Variants in SPTBN4 observed in about 807,000 individuals in gnomAD.
The protein encoded by SPTBN4 is spectrin beta chain, non-erythrocytic 4.
Under a neutral mutation model 277.8 loss-of-function variants are expected in SPTBN4, and 96 were observed. The ratio of observed to expected loss-of-function variants is 0.35; its 90% confidence interval spans 0.29 to 0.41. The LOEUF (loss-of-function observed/expected upper bound fraction) is 0.41, where lower values mean the gene tolerates loss of function less well. Ranked by LOEUF, SPTBN4 falls within the 10% of genes least tolerant of loss-of-function variation. SPTBN4 has a pLI of 1.00. For missense variants in SPTBN4, 3,006 were observed against 3,595.7 expected (o/e 0.84, Z 4.19); for synonymous variants, 1,481 against 1,580.3 (o/e 0.94, Z 1.49).
chr19:40,563,617 G>A (rs1202812870), intron 27 of SPTBN4, among the ~76,000 whole-genome samples: 3 of 150,146 alleles, frequency 2.0e-5, no homozygotes. Context: ...CGAACTTCTG[G>A]CCTCAGGTGA....
rs757087074 is a variant in SPTBN4, at chr19:40,575,454, C to T, written c.7580C>T (p.Ala2527Val). ...GWLEAVASSV[A>V]EHAEIARWGQ... ...CTGGAGGCTGTAGCTTCCTCGGTGGCGGAACACGCAGAGATCGCCCGCTGG... is the reference window on the plus strand; with the variant it reads ...CTGGAGGCTGTAGCTTCCTCGGTGGTGGAACACGCAGAGATCGCCCGCTGG... Residue 2527 changes from alanine to valine, a missense_variant, in exon 36 of 36, where the codon GCG becomes GTG. Around this residue, in one of 5 missense-constraint regions of SPTBN4, gnomAD observed 630 missense variants for 677.6 expected, o/e 0.93. Coordinates refer to ENST00000598249, the MANE Select transcript of SPTBN4 (RefSeq NM_020971.3). The T allele has an allele frequency of 3.3e-5, 54 of 1,613,012 alleles. No individual in the cohort carries two copies. Among genetic ancestry groups the T allele is most frequent in the African/African-American group, 5.3e-5 (4 of 74,904 alleles).
rs2079899176 is a variant in SPTBN4 at position 40,472,693 on chromosome 19, C to T, written c.72C>T (p.Arg24=). ...CTCCTAACAACAACCCTGCTGCCCG[C>T]TGGGAGAGTCCGGATCGGGGCTGGG... ...LPAPNNNPAA[R]WESPDRGWER... is the part of the protein sequence containing the mutation. Residue 24 remains arginine, a synonymous_variant, in exon 2 of 36, where the codon CGC becomes CGT. Coordinates refer to ENST00000598249, the MANE Select transcript of SPTBN4 (RefSeq NM_020971.3). 1 of 1,613,570 alleles carries T rather than the reference C, an allele frequency of 6.2e-7. No individual in the cohort carries two copies. The highest frequency in any genetic ancestry group is 1.3e-5 in the African/African-American group (1 of 74,942).
Position 40,570,484 on chromosome 19 carries a change from G to C in SPTBN4, c.7075G>C (p.Gly2359Arg). ...RELPPGRLPN[G>R]LELPERTPRP... is the part of the protein sequence containing the mutation. ...GCTTCCCCCAGGTCGCCTGCCCAAC[G>C]GGCTTGAGCTGCCCGAGCGGACACC... is the stretch of plus-strand genomic sequence containing the variant. Residue 2359 changes from glycine (G) to arginine (R), a missense_variant, in exon 33 of 36, where the codon GGG becomes CGG. Physicochemically the swap from Gly to Arg is moderately radical, Grantham distance 125. Around this residue, in one of 5 missense-constraint regions of SPTBN4, gnomAD observed 630 missense variants for 677.6 expected, o/e 0.93. Coordinates refer to ENST00000598249, the MANE Select transcript of SPTBN4 (RefSeq NM_020971.3). 1.3e-6 allele frequency: 2 copies of C among 1,556,088 alleles called. No homozygotes were observed. The highest frequency in any genetic ancestry group is 1.7e-6 in the Non-Finnish European group (2 of 1,160,248).
intron 35 of SPTBN4, among the ~76,000 whole-genome samples, chr19:40,575,091 A>G (rs910034949): frequency 1.3e-5 from 2 of 152,036 alleles, no homozygotes; most frequent in African/African-American, 2.4e-5. Flanking sequence ...TTGATACATG[A>G]TAAACTGATA....
intron 17 of SPTBN4, 87 bp from the exon 18 acceptor site, chr19:40,528,954 C>A (rs1021298306): frequency 9.8e-5 from 97 of 993,112 alleles, no homozygotes; most frequent in Non-Finnish European, 1.5e-4. Context: ...TCTTCCCCTA[C>A]CCAGCCCAGT....
chr19:40,476,317 C>T (rs1048177106), intron 2 of SPTBN4, among the ~76,000 whole-genome samples: 1 of 148,948 alleles, frequency 6.7e-6, no homozygotes, highest in Admixed American at 6.7e-5. Context: ...TGTACTCCAG[C>T]CTGGGCGTCA....
At chr19:40,572,219 G>C (rs2081162434) in intron 34 of SPTBN4, 27 bp downstream of exon 34, 2 of 1,594,418 alleles carry the variant, frequency 1.3e-6, no homozygotes, top group South Asian at 2.2e-5. Flanking sequence ...GCAGGAGGGA[G>C]GGATCCAAGG....
At chr19:40,516,136 G>A (rs2080457634) in intron 15 of SPTBN4, among the ~76,000 whole-genome samples, 1 of 149,958 alleles carries the variant, frequency 6.7e-6, no homozygotes, top group Non-Finnish European at 1.5e-5. Flanking sequence ...TACATGGGAG[G>A]CTGAGTTGGG....
intron 7 of SPTBN4, among the ~76,000 whole-genome samples, chr19:40,498,090 A>C: frequency 6.6e-6 from 1 of 150,512 alleles, no homozygotes; most frequent in East Asian, 2.0e-4. Context: ...TTCCAAACTC[A>C]TTTCGCCCTA....
intron 3 of SPTBN4, among the ~76,000 whole-genome samples, chr19:40,489,757 G>T (rs1448859986): frequency 1.3e-5 from 2 of 149,670 alleles, no homozygotes; most frequent in African/African-American, 5.1e-5. Context: ...GAGACTATGG[G>T]CTAGGAGGGC....
intron 7 of SPTBN4, among the ~76,000 whole-genome samples, chr19:40,500,197 C>CA (rs1411065543): frequency 1.3e-5 from 2 of 151,836 alleles, no homozygotes; most frequent in African/African-American, 4.8e-5. Context: ...ACTCAAAAAG[C>CA]AAAAAACAAC....
chr19:40,527,884 C>T (rs1056668031), intron 17 of SPTBN4, among the ~76,000 whole-genome samples: 7 of 151,880 alleles, frequency 4.6e-5, no homozygotes, highest in African/African-American at 1.5e-4. Flanking sequence ...GGCGAAAACT[C>T]GTCTCTACTA....
At chr19:40,484,707 C>T (rs1445902585) in intron 2 of SPTBN4, among the ~76,000 whole-genome samples, 1 of 151,796 alleles carries the variant, frequency 6.6e-6, no homozygotes, top group African/African-American at 2.4e-5. Flanking sequence ...GGGGGTGGAT[C>T]ACGAGGTCAG....
In SPTBN4 at chr19:40,567,546, C is replaced by A. The variant is rs570500591; in HGVS notation, c.6337-117C>A. On this transcript the variant is annotated intron_variant, in intron 30 of 35. Coordinates refer to ENST00000598249, the MANE Select transcript of SPTBN4 (RefSeq NM_020971.3). Reference sequence around the variant, plus strand: ...CACAGGCCTGGACACCTTGCTTTTTCAAGGAACTGGTCAATTGAGTGATGA... The same window carrying A: ...CACAGGCCTGGACACCTTGCTTTTTAAAGGAACTGGTCAATTGAGTGATGA... 5 of 1,103,874 alleles carry A rather than the reference C, an allele frequency of 4.5e-6. No individual in the cohort carries two copies. The African/African-American group carries it at 6.7e-5, about 15-fold the overall frequency. 68.4% of individuals were successfully genotyped at this position (1,103,874 alleles called of 1,614,324 possible).
intron 14 of SPTBN4, among the ~76,000 whole-genome samples, chr19:40,514,843 G>C (rs546930926): frequency 6.6e-6 from 1 of 152,196 alleles, no homozygotes; most frequent in African/African-American, 2.4e-5. Flanking sequence ...GGTGGCTCAC[G>C]CCTGTAATCC....
intron 13 of SPTBN4, 89 bp from the exon 14 acceptor site, chr19:40,512,517 C>T (rs966889286): frequency 2.9e-6 from 4 of 1,402,752 alleles, no homozygotes; most frequent in Non-Finnish European, 3.7e-6. Context: ...GAAGTCACAC[C>T]AAGGACAGGG....
At chr19:40,497,271 G>GCA (rs979876812) in intron 6 of SPTBN4, among the ~76,000 whole-genome samples, 1 of 152,072 alleles carries the variant, frequency 6.6e-6, no homozygotes, top group African/African-American at 2.4e-5. Flanking sequence ...AAATGCACAT[G>GCA]CACACACACA....
At chr19:40,569,546 C>A in intron 31 of SPTBN4, 111 bp from the exon 32 acceptor site, 1 of 1,052,880 alleles carries the variant, frequency 9.5e-7, no homozygotes, top group South Asian at 1.4e-5. Flanking sequence ...CAGAAGTGGG[C>A]AGGGGCCTGG....
At chr19:40,550,479 A>G (rs2080906080) in intron 22 of SPTBN4, 152 bp downstream of exon 22, 1 of 635,950 alleles carries the variant, frequency 1.6e-6, no homozygotes, top group South Asian at 2.2e-5. Context: ...AGGTGCTTCC[A>G]TATATTTTCA....
Sources: gnomAD v4.1 joint callset for allele counts (sites outside exome capture counted in the v4.1 genomes callset) on GRCh38, gnomAD v4.1.1 for gene constraint, gnomAD v4.1.1 regional missense constraint, MANE v1.5 for transcripts, NCBI Gene and HGNC (gene_info 2026-07-23, HGNC 2026-07-21) for gene names.